Variants in USP49 observed in about 807,000 individuals in gnomAD.
USP49 encodes ubiquitin specific peptidase 49.
USP49 carries 24 observed loss-of-function variants against 58.6 expected under a neutral mutation model. The observed-to-expected ratio is 0.41, with a 90% CI of 0.30 to 0.58. USP49 has a LOEUF of 0.58. Ranked by LOEUF, USP49 falls within the 20% of genes least tolerant of loss-of-function variation. USP49 has a pLI of 0.30. For missense variants in USP49, 703 were observed against 866.1 expected (o/e 0.81, Z 2.36); for synonymous variants, 408 against 365.1 (o/e 1.12, Z -1.34).
chr6:41,821,637 G>C (rs929843058), intron 3 of USP49, among the ~76,000 whole-genome samples: 6 of 151,958 alleles, frequency 3.9e-5, no homozygotes, highest in Non-Finnish European at 7.4e-5. Flanking sequence ...AGTTGGGTGT[G>C]GTGGTGGGCG....
intron 3 of USP49, among the ~76,000 whole-genome samples, chr6:41,854,288 G>C (rs1774087531): frequency 6.7e-6 from 1 of 149,446 alleles, no homozygotes; most frequent in Non-Finnish European, 1.5e-5. Flanking sequence ...CTGTACTCCG[G>C]GCTGTGCGAC....
intron 6 of USP49, 77 bp from the exon 7 acceptor site, chr6:41,799,006 CA>C: frequency 6.7e-7 from 1 of 1,503,122 alleles, no homozygotes; most frequent in East Asian, 2.3e-5. Flanking sequence ...ATTAATAAAA[CA>C]GGAAACTGAG....
At chr6:41,827,779 C>G (rs1281214600) in intron 3 of USP49, among the ~76,000 whole-genome samples, 1 of 150,838 alleles carries the variant, frequency 6.6e-6, no homozygotes, top group African/African-American at 2.4e-5. Flanking sequence ...ATTTATTGAA[C>G]ACTTACTACA....
intron 2 of USP49, among the ~76,000 whole-genome samples, chr6:41,878,825 G>A (rs1406693684): frequency 6.6e-6 from 1 of 152,116 alleles, no homozygotes; most frequent in East Asian, 1.9e-4. Context: ...TCACAATGAG[G>A]TGGGTATCAG....
At chr6:41,813,737 T>G (rs1773300833) in intron 3 of USP49, among the ~76,000 whole-genome samples, 1 of 152,196 alleles carries the variant, frequency 6.6e-6, no homozygotes, top group East Asian at 1.9e-4. Flanking sequence ...ACCATACTGA[T>G]TTAAGCTAGG....
intron 3 of USP49, among the ~76,000 whole-genome samples, chr6:41,864,309 T>A (rs1774272888): frequency 6.6e-6 from 1 of 152,164 alleles, no homozygotes; most frequent in Non-Finnish European, 1.5e-5. Flanking sequence ...ATGCCTGTAA[T>A]CCCAGCACTT....
intron 2 of USP49, among the ~76,000 whole-genome samples, chr6:41,887,865 CAGG>C (rs1561928153): frequency 6.6e-6 from 1 of 152,164 alleles, no homozygotes. Context: ...CTGAAAATTT[CAGG>C]AGAATGCCTT....
At chr6:41,876,343 A>G (rs180703173) in intron 2 of USP49, among the ~76,000 whole-genome samples, 1,820 of 152,122 alleles carry the variant, frequency 0.012, 11 homozygotes, top group Non-Finnish European at 0.019. Flanking sequence ...TACAAAGTCT[A>G]TAAGAATGAC....
At chr6:41,879,668 G>T (rs1774569282) in intron 2 of USP49, among the ~76,000 whole-genome samples, 1 of 152,158 alleles carries the variant, frequency 6.6e-6, no homozygotes, top group South Asian at 2.1e-4. Context: ...CTAGGGGCAG[G>T]CCCACCAGTC....
intron 2 of USP49, among the ~76,000 whole-genome samples, chr6:41,876,644 C>T (rs890068739): frequency 4.6e-5 from 7 of 152,154 alleles, no homozygotes; most frequent in Non-Finnish European, 5.9e-5. Context: ...AAACTCCTGA[C>T]CTCGTGATCC....
chr6:41,794,032 C>T lies in USP49; in HGVS notation c.*2501G>A, dbSNP rs762788140. The T allele has an allele frequency of 2.0e-5, 3 of 152,186 alleles. No individual in the cohort carries two copies. The highest frequency in any genetic ancestry group is 1.9e-4 in the East Asian group (1 of 5,202). The allele number at this position is 152,186 out of a possible 1,614,324, so 9.4% of individuals were successfully genotyped here. A position where few individuals can be genotyped will look rare whatever the true frequency, so the allele number is the denominator to read the frequency against. On this transcript the variant is annotated 3_prime_UTR_variant, in exon 8 of 8. Coordinates refer to ENST00000682992, the MANE Select transcript of USP49 (RefSeq NM_001286554.2). ...CTGAGACATTCATCTATACCCAGTA[C>T]GTAAATAAATTAAAGGCAAAGGGAC...
intron 3 of USP49, among the ~76,000 whole-genome samples, chr6:41,871,079 C>T (rs2251168): frequency 0.25 from 37,637 of 151,740 alleles, 4,861 homozygotes; most frequent in African/African-American, 0.3. Flanking sequence ...AAAAGAATTC[C>T]GGGCCTCAAG....
intron 3 of USP49, among the ~76,000 whole-genome samples, chr6:41,817,150 C>T (rs1396910413): frequency 7.7e-5 from 8 of 104,336 alleles, no homozygotes; most frequent in African/African-American, 2.2e-4. Flanking sequence ...CCCACGCATG[C>T]TTTTTTTTTT....
intron 7 of USP49, chr6:41,797,527 T>C (rs1891453): frequency 0.24 from 159,741 of 652,070 alleles, 21,124 homozygotes; most frequent in East Asian, 0.29. Context: ...CATCAGTCAG[T>C]GCAGTAGCTG....
At chr6:41,876,744 G>A (rs1774510804) in intron 2 of USP49, among the ~76,000 whole-genome samples, 1 of 152,140 alleles carries the variant, frequency 6.6e-6, no homozygotes, top group Non-Finnish European at 1.5e-5. Context: ...AAATGCCTTG[G>A]AAGATACAAG....
intron 6 of USP49, 133 bp from the exon 7 acceptor site, chr6:41,799,062 G>C: frequency 9.7e-7 from 1 of 1,030,418 alleles, no homozygotes; most frequent in Non-Finnish European, 1.3e-6. Flanking sequence ...ATAAAATGGT[G>C]GTAATCAATG....
intron 3 of USP49, among the ~76,000 whole-genome samples, chr6:41,809,043 AGAT>A (rs1773195976): frequency 6.6e-6 from 1 of 152,054 alleles, no homozygotes; most frequent in African/African-American, 2.4e-5. Flanking sequence ...CCTCTAGAGT[AGAT>A]GAGATCATAG....
intron 2 of USP49, among the ~76,000 whole-genome samples, chr6:41,889,805 AT>A (rs1774779656): frequency 6.6e-6 from 1 of 152,212 alleles, no homozygotes; most frequent in Non-Finnish European, 1.5e-5. Flanking sequence ...CTTCATATGC[AT>A]TTTCTTCAAT....
At chr6:41,848,010 A>C (rs1285746178) in intron 3 of USP49, among the ~76,000 whole-genome samples, 3 of 152,238 alleles carry the variant, frequency 2.0e-5, no homozygotes, top group African/African-American at 7.2e-5. Context: ...TCAAAGGCAG[A>C]GAACATATTC....
Sources: gnomAD v4.1 joint callset for allele counts (sites outside exome capture counted in the v4.1 genomes callset) on GRCh38, gnomAD v4.1.1 for gene constraint, MANE v1.5 for transcripts, NCBI Gene and HGNC (gene_info 2026-07-23, HGNC 2026-07-21) for gene names.